The following TSHR variants were observed in gnomAD, a reference collection of about 807,000 sequenced individuals.
TSHR encodes thyrotropin receptor.
In TSHR, 51 loss-of-function variants were observed where a neutral mutation model predicts 64.1. That is an observed-to-expected ratio of 0.80 (90% CI 0.64 to 1.01). The LOEUF is 1.01. Among genes scored for constraint, TSHR ranks in the 50% least tolerant of loss-of-function variants. TSHR has a pLI of 0.00. For missense variants in TSHR, 877 were observed against 942.8 expected (o/e 0.93, Z 0.91); for synonymous variants, 361 against 361.9 (o/e 1.00, Z 0.03).
chr14:80,973,221 C>G (rs1887667261), intron 1 of TSHR, among the ~76,000 whole-genome samples: 1 of 151,606 alleles, frequency 6.6e-6, no homozygotes, highest in Non-Finnish European at 1.5e-5. Context: ...CTGGCTAACA[C>G]AGTGAAACCC....
intron 8 of TSHR, among the ~76,000 whole-genome samples, chr14:81,120,495 A>G (rs1223237151): frequency 6.6e-6 from 1 of 152,196 alleles, no homozygotes; most frequent in Non-Finnish European, 1.5e-5. Flanking sequence ...TTGTTTGTTT[A>G]TAGAAACACA....
At chr14:81,130,497 C>G (rs1305469137) in intron 8 of TSHR, among the ~76,000 whole-genome samples, 1 of 152,200 alleles carries the variant, frequency 6.6e-6, no homozygotes, top group Non-Finnish European at 1.5e-5. Context: ...CCTTCCTACT[C>G]TGTTTTTCTA....
chr14:81,042,943 C>T (rs1251442721), intron 1 of TSHR, among the ~76,000 whole-genome samples: 1 of 151,780 alleles, frequency 6.6e-6, no homozygotes, highest in Non-Finnish European at 1.5e-5. Flanking sequence ...AAAAACAAAA[C>T]AAACATAAGA....
At position 81,114,861 on chromosome 14, in the gene TSHR, G is replaced by C. The variant is rs532471327; in HGVS notation, c.692+6409G>C. On this transcript the variant is annotated intron_variant, in intron 8 of 9. Coordinates refer to ENST00000298171, the MANE Select transcript of TSHR (RefSeq NM_000369.5). ...AACAGGCAGACTGCCTCCTCAAGTG[G>C]GTCCCTGACCCCTGACCCCCGAGCA... Among the ~76,000 whole-genome samples, 1,236 of 152,264 alleles carry C rather than the reference G, an allele frequency of 8.1e-3. 11 individuals carry two copies. The highest frequency in any genetic ancestry group is 0.017 in the Middle Eastern group (5 of 294).
In TSHR at chr14:81,103,039, C is replaced by G; in HGVS notation, c.615-5336C>G. ...CCTAGTCAATAGAAATTTATTCTTTCCTAGATTTAAGCACTTCAGTAAAAG... is the reference window on the plus strand; with the variant it reads ...CCTAGTCAATAGAAATTTATTCTTTGCTAGATTTAAGCACTTCAGTAAAAG... On this transcript the variant is annotated intron_variant, in intron 7 of 9. Transcript: ENST00000298171. The surrounding 1 kb of genome is among the most constrained non-coding windows in gnomAD (Gnocchi z 4.1). The G allele has an allele frequency of 1.0e-6, 1 of 985,294 alleles. No homozygotes were observed. The highest frequency in any genetic ancestry group is 1.2e-6 in the Non-Finnish European group (1 of 829,904). The allele number at this position is 985,294 out of a possible 1,614,324, so 61.0% of individuals were successfully genotyped here.
intron 1 of TSHR, among the ~76,000 whole-genome samples, chr14:80,964,733 G>C (rs1218660412): frequency 6.6e-6 from 1 of 151,912 alleles, no homozygotes; most frequent in African/African-American, 2.4e-5. Flanking sequence ...GGAATAATTT[G>C]GCATTTTGTA....
intron 1 of TSHR, among the ~76,000 whole-genome samples, chr14:80,981,641 A>G (rs975736257): frequency 6.6e-6 from 1 of 152,164 alleles, no homozygotes; most frequent in Non-Finnish European, 1.5e-5. Flanking sequence ...GTAGCTGTTC[A>G]CTAGGGAGTT....
intron 9 of TSHR, 103 bp from the exon 10 acceptor site, chr14:81,142,837 T>G: frequency 9.9e-7 from 1 of 1,005,490 alleles, no homozygotes; most frequent in South Asian, 1.3e-5. Context: ...CTCAAACTCC[T>G]AGGCTCAAGC....
chr14:80,991,740 G>A (rs1268045754), intron 1 of TSHR: 2 of 392,656 alleles, frequency 5.1e-6, no homozygotes, highest in African/African-American at 4.1e-5. Flanking sequence ...TTCAAACTTG[G>A]AAAGGTGTCC....
At chr14:81,035,335 G>A (rs1566773703) in intron 1 of TSHR, among the ~76,000 whole-genome samples, 1 of 152,164 alleles carries the variant, frequency 6.6e-6, no homozygotes, top group African/African-American at 2.4e-5. Context: ...CCCATGCCCT[G>A]CTCAGCTGTG....
chr14:81,080,721 G>A (rs1466141323), intron 3 of TSHR, among the ~76,000 whole-genome samples: 1 of 151,954 alleles, frequency 6.6e-6, no homozygotes, highest in East Asian at 1.9e-4. Flanking sequence ...TTCTCTCATT[G>A]AAAATCCTCG....
chr14:81,047,290 C>T (rs1248092569), intron 1 of TSHR, among the ~76,000 whole-genome samples: 1 of 151,856 alleles, frequency 6.6e-6, no homozygotes, highest in Non-Finnish European at 1.5e-5. Flanking sequence ...TATTTTTTTC[C>T]TCATAAACAA....
intron 1 of TSHR, among the ~76,000 whole-genome samples, chr14:81,021,738 A>G (rs938887269): frequency 6.6e-6 from 1 of 152,334 alleles, no homozygotes; most frequent in African/African-American, 2.4e-5. Flanking sequence ...TACAGTTCTT[A>G]CGGCTTATTG....
At chr14:81,036,420 C>A (rs1884628676) in intron 1 of TSHR, among the ~76,000 whole-genome samples, 1 of 152,086 alleles carries the variant, frequency 6.6e-6, no homozygotes, top group Non-Finnish European at 1.5e-5. Context: ...CAAGAAAGAA[C>A]CAGATAATAA....
chr14:80,971,937 A>G (rs1439714522), intron 1 of TSHR, among the ~76,000 whole-genome samples: 1 of 152,202 alleles, frequency 6.6e-6, no homozygotes, highest in South Asian at 2.1e-4. Flanking sequence ...TAATCAATGA[A>G]TTCCTGGTTC....
At chr14:81,079,626 A>G (rs1887745605) in intron 3 of TSHR, among the ~76,000 whole-genome samples, 1 of 152,238 alleles carries the variant, frequency 6.6e-6, no homozygotes, top group Non-Finnish European at 1.5e-5. Flanking sequence ...CTGAGGCAGA[A>G]GGATGGCTTG....
intron 8 of TSHR, among the ~76,000 whole-genome samples, chr14:81,118,809 G>A (rs1443983482): frequency 6.6e-6 from 1 of 151,168 alleles, no homozygotes; most frequent in African/African-American, 2.5e-5. Flanking sequence ...AAAACAGCAT[G>A]GTACTGGTAC....
chr14:81,025,391 C>A (rs559278920), intron 1 of TSHR, among the ~76,000 whole-genome samples: 1 of 151,866 alleles, frequency 6.6e-6, no homozygotes, highest in African/African-American at 2.4e-5. Context: ...ATTAAACTTG[C>A]AGTTCAAAGA....
At chr14:80,980,648 T>G (rs1027490844) in intron 1 of TSHR, among the ~76,000 whole-genome samples, 1 of 152,246 alleles carries the variant, frequency 6.6e-6, no homozygotes, top group Non-Finnish European at 1.5e-5. Context: ...TTGAATTCAT[T>G]GTTCTATTTT....
Sources: gnomAD v4.1 joint callset for allele counts (sites outside exome capture counted in the v4.1 genomes callset) on GRCh38, gnomAD v4.1.1 for gene constraint, Gnocchi (gnomAD v3.1) non-coding constraint, MANE v1.5 for transcripts, NCBI Gene and HGNC (gene_info 2026-07-23, HGNC 2026-07-21) for gene names.